ACACA: variants seen among roughly 807,000 people sequenced by gnomAD.
ACACA encodes acetyl-CoA carboxylase 1.
A neutral mutation model predicts 296.1 loss-of-function variants in ACACA; 103 were observed. The ratio of observed to expected loss-of-function variants is 0.35; its 90% confidence interval spans 0.30 to 0.41. The LOEUF (loss-of-function observed/expected upper bound fraction) is 0.41. Among genes scored for constraint, ACACA ranks in the 10% least tolerant of loss-of-function variants. The pLI, the probability that ACACA is intolerant of heterozygous loss-of-function variation, is 1.00. For missense variants in ACACA, 1,554 were observed against 2,989.7 expected (o/e 0.52, Z 11.20); for synonymous variants, 953 against 1,038.6 (o/e 0.92, Z 1.58).
chr17:37,337,637 C>A (rs965237756), intron 2 of ACACA, among the ~76,000 whole-genome samples: 1 of 151,814 alleles, frequency 6.6e-6, no homozygotes, highest in Admixed American at 6.6e-5. Context: ...TTTTTTTGTA[C>A]AGACAGCATC....
At chr17:37,400,818 T>C (rs1218552621) in intron 1 of ACACA, among the ~76,000 whole-genome samples, 1 of 152,194 alleles carries the variant, frequency 6.6e-6, no homozygotes, top group Non-Finnish European at 1.5e-5. Context: ...GTAGGCTGTT[T>C]CCATGTCTTG....
In ACACA at chr17:37,269,973, G is replaced by T. The variant is rs144413475; in HGVS notation, c.1119+778C>A. Among the ~76,000 whole-genome samples the T allele has an allele frequency of 9.7e-4, 147 of 152,254 alleles. 1 individual carries two copies. The highest frequency in any genetic ancestry group is 3.4e-3 in the African/African-American group (143 of 41,538). On this transcript the variant is annotated intron_variant, in intron 10 of 55. Transcript: ENST00000616317. ...GTTAAATATGTGAGGGTAACTCTGA[G>T]GACAGAACAAAAAGAGACCCCTGTC...
intron 1 of ACACA, among the ~76,000 whole-genome samples, chr17:37,355,190 C>T (rs1336033160): frequency 6.6e-6 from 1 of 150,794 alleles, no homozygotes; most frequent in East Asian, 2.0e-4. Flanking sequence ...TTGCAGTGAG[C>T]CGAGATCACA....
chr17:37,144,360 G>A lies in ACACA; in HGVS notation c.5679+5504C>T, dbSNP rs1367350694. The A allele has an allele frequency of 2.5e-5, 12 of 477,712 alleles. No individual in the cohort carries two copies. In the East Asian group the frequency reaches 3.5e-4, roughly 14 times the overall value. The allele number at this position is 477,712 out of a possible 1,614,324, so 29.6% of individuals were successfully genotyped here. A position where few individuals can be genotyped will look rare whatever the true frequency, so the allele number is the denominator to read the frequency against. On this transcript the variant is annotated intron_variant, in intron 45 of 55. Transcript: ENST00000616317. ...CTGTCTGGCTCTCGCTTGCCCCGGC[G>A]CTGTCTCTATCGTAACCTCTTTAAG...
At chr17:37,252,495 A>G (rs557324361) in intron 15 of ACACA, among the ~76,000 whole-genome samples, 1 of 152,328 alleles carries the variant, frequency 6.6e-6, no homozygotes, top group African/African-American at 2.4e-5. Flanking sequence ...GATTTTATAC[A>G]AAATCTTGGA....
intron 52 of ACACA, among the ~76,000 whole-genome samples, chr17:37,104,531 T>C (rs2073553307): frequency 6.6e-6 from 1 of 152,236 alleles, no homozygotes; most frequent in Non-Finnish European, 1.5e-5. Flanking sequence ...TAAGAGCCCA[T>C]GCTCCTTAAA....
chr17:37,401,406 T>C (rs1454384969), intron 1 of ACACA, among the ~76,000 whole-genome samples: 1 of 151,948 alleles, frequency 6.6e-6, no homozygotes, highest in Non-Finnish European at 1.5e-5. Flanking sequence ...TTGGCCCGGC[T>C]GGTCTCGAAC....
chr17:37,116,707 C>T (rs979708307), intron 50 of ACACA, among the ~76,000 whole-genome samples: 1 of 152,194 alleles, frequency 6.6e-6, no homozygotes, highest in Non-Finnish European at 1.5e-5. Flanking sequence ...CATGCTCAGA[C>T]TGAACTGCAG....
chr17:37,399,653 C>T (rs533932373), intron 1 of ACACA, among the ~76,000 whole-genome samples: 28 of 152,192 alleles, frequency 1.8e-4, no homozygotes, highest in African/African-American at 6.0e-4. Context: ...ACAGATATTC[C>T]GCACTCTGTG....
chr17:37,370,805 G>A (rs1024281053), intron 1 of ACACA, among the ~76,000 whole-genome samples: 6 of 152,038 alleles, frequency 3.9e-5, no homozygotes, highest in Admixed American at 6.6e-5. Flanking sequence ...CCAACATGGC[G>A]AAACCCCGTC....
At chr17:37,318,764 A>G (rs550645729) in intron 3 of ACACA, among the ~76,000 whole-genome samples, 40 of 152,284 alleles carry the variant, frequency 2.6e-4, no homozygotes, top group Non-Finnish European at 7.4e-5. Context: ...CTATTCCAAA[A>G]GTTTCATAGC....
chr17:37,277,840 T>C, intron 6 of ACACA, 56 bp downstream of exon 6: 1 of 1,340,070 alleles, frequency 7.5e-7, no homozygotes, highest in Non-Finnish European at 1.1e-6. Flanking sequence ...TATCCCCTTG[T>C]GCCTAACTAT....
chr17:37,124,840 A>G (rs1318481995), intron 48 of ACACA, among the ~76,000 whole-genome samples: 2 of 152,204 alleles, frequency 1.3e-5, no homozygotes, highest in African/African-American at 4.8e-5. Flanking sequence ...TGCTGTACTG[A>G]GAGAACCACA....
intron 13 of ACACA, 32 bp downstream of exon 13, chr17:37,258,180 A>T (rs2081300926): frequency 1.2e-6 from 2 of 1,608,876 alleles, no homozygotes; most frequent in South Asian, 2.2e-5. Flanking sequence ...GTTCATTAAA[A>T]GGAGGTATAA....
At chr17:37,399,048 C>T (rs561558135) in intron 1 of ACACA, among the ~76,000 whole-genome samples, 2 of 148,938 alleles carry the variant, frequency 1.3e-5, no homozygotes, top group African/African-American at 5.0e-5. Context: ...GGTGGGATCT[C>T]GGCTCACGGC....
At chr17:37,151,824 G>A (rs2076053166) in intron 43 of ACACA, among the ~76,000 whole-genome samples, 1 of 151,998 alleles carries the variant, frequency 6.6e-6, no homozygotes, top group South Asian at 2.1e-4. Flanking sequence ...ACCACGCCCG[G>A]CTAATTTTTG....
At chr17:37,332,118 T>C (rs897327362) in intron 2 of ACACA, among the ~76,000 whole-genome samples, 3 of 151,636 alleles carry the variant, frequency 2.0e-5, no homozygotes, top group Admixed American at 1.3e-4. Flanking sequence ...TGCCAATAGC[T>C]AACTAAGAAA....
intron 45 of ACACA, among the ~76,000 whole-genome samples, chr17:37,139,233 C>T (rs543836909): frequency 6.6e-6 from 1 of 152,280 alleles, no homozygotes; most frequent in South Asian, 2.1e-4. Context: ...ACCGTGTGTA[C>T]AGAGCTAAGT....
intron 2 of ACACA, among the ~76,000 whole-genome samples, chr17:37,331,032 T>A (rs2047853279): frequency 6.6e-6 from 1 of 152,084 alleles, no homozygotes; most frequent in Non-Finnish European, 1.5e-5. Context: ...TACCTCAGCC[T>A]CCCCAGTAGC....
Sources: gnomAD v4.1 joint callset for allele counts (sites outside exome capture counted in the v4.1 genomes callset) on GRCh38, gnomAD v4.1.1 for gene constraint, MANE v1.5 for transcripts, NCBI Gene and HGNC (gene_info 2026-07-23, HGNC 2026-07-21) for gene names.